GRK5: variants seen among roughly 807,000 people sequenced by gnomAD.
The protein encoded by GRK5 is G protein-coupled receptor kinase 5.
Under a neutral mutation model 78.4 loss-of-function variants are expected in GRK5, and 40 were observed. The ratio of observed to expected loss-of-function variants is 0.51; its 90% CI spans 0.40 to 0.66. The LOEUF (loss-of-function observed/expected upper bound fraction) is 0.66. Ranked by LOEUF, GRK5 falls within the 30% of genes least tolerant of loss-of-function variation. GRK5 has a pLI of 0.00. For synonymous variants in GRK5, 289 were observed against 296.8 expected (o/e 0.97, Z 0.27); for missense variants, 598 against 759.9 (o/e 0.79, Z 2.50).
intron 1 of GRK5, among the ~76,000 whole-genome samples, chr10:119,300,098 T>C (rs1850149853): frequency 6.6e-6 from 1 of 152,138 alleles, no homozygotes. Context: ...TGGGGATTTT[T>C]CTTTAAACTT....
chr10:119,319,163 G>C (rs1269217509), intron 1 of GRK5, among the ~76,000 whole-genome samples: 1 of 152,118 alleles, frequency 6.6e-6, no homozygotes, highest in Admixed American at 6.5e-5. Context: ...TACTTCCCCA[G>C]TCTGGCAGGA....
intron 1 of GRK5, among the ~76,000 whole-genome samples, chr10:119,263,841 T>C (rs1311471912): frequency 6.6e-6 from 1 of 152,070 alleles, no homozygotes; most frequent in Non-Finnish European, 1.5e-5. Context: ...GGGAGGAGAA[T>C]GGCATGAACC....
intron 1 of GRK5, among the ~76,000 whole-genome samples, chr10:119,246,019 CAAAAAAAAA>C (rs941734040): frequency 1.4e-4 from 2 of 14,036 alleles, no homozygotes; most frequent in Non-Finnish European, 2.7e-4. Flanking sequence ...GACTCCATCT[CAAAAAAAAA>C]AAAAAAAAAA....
chr10:119,347,215 T>C (rs532342112), intron 2 of GRK5, among the ~76,000 whole-genome samples: 1 of 152,268 alleles, frequency 6.6e-6, no homozygotes, highest in African/African-American at 2.4e-5. Flanking sequence ...CAGTATTTCA[T>C]GTATGTGTGT....
At chr10:119,453,429 C>G (rs1161948286) in intron 15 of GRK5, among the ~76,000 whole-genome samples, 153 bp downstream of exon 15, 1 of 152,206 alleles carries the variant, frequency 6.6e-6, no homozygotes, top group Non-Finnish European at 1.5e-5. Flanking sequence ...ATGTCCAAGG[C>G]CCCTGATACC....
At position 119,251,103 on chromosome 10, in the gene GRK5, CTT is replaced by C. The variant is rs58446179; in HGVS notation, c.52+43144_52+43145del. Among the ~76,000 whole-genome samples, 3 of 148,754 alleles carry C rather than the reference CTT, an allele frequency of 2.0e-5. No individual in the cohort carries two copies. The East Asian group carries it at 5.9e-4, about 29-fold the overall frequency. On this transcript the variant is annotated intron_variant, in intron 1 of 15. Transcript: ENST00000392870. ...ACATTTGCATTCTTTCCTCCCCTCA[CTT>C]TTTTTTTTTCTCACGTTGACATTAA... is the stretch of plus-strand genomic sequence containing the variant.
At chr10:119,269,092 C>G (rs929163386) in intron 1 of GRK5, among the ~76,000 whole-genome samples, 10 of 152,230 alleles carry the variant, frequency 6.6e-5, no homozygotes, top group African/African-American at 2.4e-4. Context: ...AACTCTCTTA[C>G]CTCATTCTAG....
Position 119,455,073 on chromosome 10 carries a change from G to C in GRK5, c.*6G>C. 2 of 1,608,602 alleles carry C rather than the reference G, an allele frequency of 1.2e-6. No individual in the cohort carries two copies. Among genetic ancestry groups the C allele is most frequent in the Non-Finnish European group, 1.7e-6 (2 of 1,175,058 alleles). On this transcript the variant is annotated 3_prime_UTR_variant, in exon 16 of 16. Coordinates refer to ENST00000392870, the MANE Select transcript of GRK5 (RefSeq NM_005308.3). ...ACTCCACCGGAAGCAGCTAGTTTCG[G>C]CTCTGGCCTCCAAGTCCACAGTGGA...
chr10:119,442,616 G>A (rs372466660), intron 11 of GRK5, among the ~76,000 whole-genome samples: 4 of 152,154 alleles, frequency 2.6e-5, no homozygotes, highest in African/African-American at 7.2e-5. Flanking sequence ...AGAATCCCCC[G>A]TCCAATTGGG....
At chr10:119,374,486 C>T (rs1052895372) in intron 2 of GRK5, among the ~76,000 whole-genome samples, 2 of 152,204 alleles carry the variant, frequency 1.3e-5, no homozygotes, top group African/African-American at 4.8e-5. Context: ...GCTGTGCCCT[C>T]TGTTGGTTGA....
At chr10:119,318,698 C>G (rs1474783518) in intron 1 of GRK5, among the ~76,000 whole-genome samples, 1 of 152,272 alleles carries the variant, frequency 6.6e-6, no homozygotes, top group Admixed American at 6.5e-5. Flanking sequence ...CAATGCCTTC[C>G]TGGAGCTCAG....
intron 1 of GRK5, among the ~76,000 whole-genome samples, chr10:119,277,720 T>C (rs1439104125): frequency 6.6e-6 from 1 of 152,240 alleles, no homozygotes; most frequent in Non-Finnish European, 1.5e-5. Context: ...TCCTGCCCTG[T>C]CATCCCTTCC....
chr10:119,240,172 C>T (rs1456856836), intron 1 of GRK5, among the ~76,000 whole-genome samples: 6 of 149,548 alleles, frequency 4.0e-5, no homozygotes, highest in African/African-American at 1.5e-4. Context: ...ACATCCTCTC[C>T]AGCATCTGTT....
At chr10:119,346,791 C>A (rs1851103182) in intron 2 of GRK5, among the ~76,000 whole-genome samples, 1 of 152,188 alleles carries the variant, frequency 6.6e-6, no homozygotes, top group African/African-American at 2.4e-5. Flanking sequence ...CGGGAGGAAC[C>A]AGTTGATCAG....
chr10:119,446,102 A>G (rs913494637), intron 12 of GRK5, among the ~76,000 whole-genome samples: 1 of 151,328 alleles, frequency 6.6e-6, no homozygotes, highest in African/African-American at 2.4e-5. Flanking sequence ...CTTCCAGCCC[A>G]TCTGTACCCC....
intron 1 of GRK5, among the ~76,000 whole-genome samples, chr10:119,250,819 A>G (rs962553236): frequency 1.2e-4 from 18 of 152,052 alleles, no homozygotes; most frequent in African/African-American, 4.4e-4. Context: ...ATGTTACTAT[A>G]TTTTTCATAT....
Position 119,454,962 on chromosome 10 carries a change from A to G in GRK5, c.1675-7A>G. ...CTCCACCCCGTCTCCCCCAACCCCA[A>G]CCCCAGCATCAGAACAATTCCAAGA... On this transcript the variant is annotated splice_region_variant and splice_polypyrimidine_tract_variant and intron_variant, in intron 15 of 15. Coordinates refer to ENST00000392870, the MANE Select transcript of GRK5 (RefSeq NM_005308.3). The G allele has an allele frequency of 6.2e-7, 1 of 1,607,430 alleles. No homozygotes were observed. Among genetic ancestry groups the G allele is most frequent in the Non-Finnish European group, 8.5e-7 (1 of 1,174,620 alleles).
At chr10:119,228,519 A>G (rs1457271838) in intron 1 of GRK5, among the ~76,000 whole-genome samples, 8 of 150,554 alleles carry the variant, frequency 5.3e-5, no homozygotes, top group Middle Eastern at 6.9e-3. Flanking sequence ...AGTCCTAGCT[A>G]CTTGGGTGGG....
At position 119,378,760 on chromosome 10, in the gene GRK5, C is replaced by T. The variant is rs1851666512; in HGVS notation, c.149-2055C>T. Among the ~76,000 whole-genome samples the T allele has an allele frequency of 6.6e-6, 1 of 152,246 alleles. No homozygotes were observed. Among genetic ancestry groups the T allele is most frequent in the Non-Finnish European group, 1.5e-5 (1 of 68,036 alleles). ...CATCCCCAAGAACCCTGCTGGCATC[C>T]CAGGGAACAGACAGTGTCTTTCCTG... On this transcript the variant is annotated intron_variant, in intron 2 of 15. Coordinates refer to ENST00000392870, the MANE Select transcript of GRK5 (RefSeq NM_005308.3). The surrounding 1 kb of genome is among the most constrained non-coding windows in gnomAD (Gnocchi z 4.5).
Sources: allele counts gnomAD v4.1 joint callset (sites outside exome capture counted in the v4.1 genomes callset), GRCh38; gene constraint gnomAD v4.1.1; non-coding constraint Gnocchi (gnomAD v3.1); transcripts MANE v1.5; gene names NCBI Gene and HGNC (gene_info 2026-07-23, HGNC 2026-07-21).